Variants in MAGI1 observed in about 807,000 individuals in gnomAD.
MAGI1 encodes membrane associated guanylate kinase, WW and PDZ domain containing 1, also known as membrane-associated guanylate kinase, WW and PDZ domain-containing protein 1.
A neutral mutation model predicts 139.9 loss-of-function variants in MAGI1; 58 were observed. The ratio of observed to expected loss-of-function variants is 0.41; its 90% CI spans 0.34 to 0.52. MAGI1 has a LOEUF of 0.52. MAGI1 is among the 20% of genes least tolerant of loss of function. The probability of loss-of-function intolerance (pLI) is 0.12; values close to 1 mark genes in which losing one functional copy is unlikely to be tolerated. For synonymous variants in MAGI1, 812 were observed against 737.9 expected, an observed-to-expected ratio of 1.10 and a Z score of -1.63; for missense variants, 1,874 against 1,901.6, an observed-to-expected ratio of 0.99 and a Z score of 0.27.
Position 65,803,137 on chromosome 3 carries a change from CAGCTAAATG to C in MAGI1, c.314-181058_314-181050del, listed in dbSNP as rs574254187. ...AAGTATTTCACTTTGAATAAGATAA[CAGCTAAATG>C]AGCTGATTTTTTTTAACTAGAGTTA... is the stretch of plus-strand genomic sequence containing the variant. On this transcript the variant is annotated intron_variant, in intron 1 of 22. Coordinates refer to ENST00000402939, the MANE Select transcript of MAGI1 (RefSeq NM_001033057.2). Among the ~76,000 whole-genome samples the C allele has an allele frequency of 9.1e-3, 1,381 of 152,152 alleles. 22 individuals are homozygous for C. The highest frequency in any genetic ancestry group is 0.032 in the African/African-American group (1,313 of 41,506).
chr3:65,453,907 T>C (rs1385935927), intron 5 of MAGI1, among the ~76,000 whole-genome samples: 1 of 152,134 alleles, frequency 6.6e-6, no homozygotes, highest in African/African-American at 2.4e-5. Flanking sequence ...AAATTACTCG[T>C]CATAAATAGA....
At chr3:65,951,458 G>A (rs75779255) in intron 1 of MAGI1, among the ~76,000 whole-genome samples, 2,223 of 152,180 alleles carry the variant, frequency 0.015, 32 homozygotes, top group East Asian at 0.042. Flanking sequence ...CTGTTGCATC[G>A]AAATGGAGAT....
chr3:65,535,152 T>G (rs926534011), intron 2 of MAGI1, among the ~76,000 whole-genome samples: 1 of 151,980 alleles, frequency 6.6e-6, no homozygotes, highest in Non-Finnish European at 1.5e-5. Flanking sequence ...TTACCATGAA[T>G]TTGAAAAAGA....
intron 1 of MAGI1, among the ~76,000 whole-genome samples, chr3:65,850,119 T>C (rs1456993035): frequency 6.6e-6 from 1 of 152,172 alleles, no homozygotes; most frequent in Non-Finnish European, 1.5e-5. Context: ...CCAAACTTGT[T>C]TGAATACCCT....
intron 2 of MAGI1, among the ~76,000 whole-genome samples, chr3:65,572,373 C>T (rs970355855): frequency 1.9e-4 from 29 of 152,090 alleles, no homozygotes; most frequent in African/African-American, 7.0e-4. Context: ...TAGGAACAAG[C>T]AAATGGTGTT....
At chr3:65,556,358 G>T (rs1559667610) in intron 2 of MAGI1, among the ~76,000 whole-genome samples, 1 of 151,982 alleles carries the variant, frequency 6.6e-6, no homozygotes, top group African/African-American at 2.4e-5. Flanking sequence ...ATTTTTCTTG[G>T]AAACACCTCC....
intron 1 of MAGI1, among the ~76,000 whole-genome samples, chr3:65,721,696 T>C (rs767796638): frequency 8.5e-5 from 13 of 152,276 alleles, no homozygotes; most frequent in Non-Finnish European, 1.5e-4. Context: ...AACATATTAA[T>C]GTACTCGAAA....
chr3:65,812,860 C>A (rs1427423312), intron 1 of MAGI1, among the ~76,000 whole-genome samples: 1 of 151,390 alleles, frequency 6.6e-6, no homozygotes, highest in East Asian at 1.9e-4. Flanking sequence ...CAGGCATGCA[C>A]CACCACACCC....
rs142191991 is a variant in MAGI1 at position 65,370,865 on chromosome 3, C to A, written c.3196+4880G>T. Among the ~76,000 whole-genome samples, 447 of 152,350 alleles carry A rather than the reference C, an allele frequency of 2.9e-3. 3 individuals carry two copies. The highest frequency in any genetic ancestry group is 0.01 in the African/African-American group (428 of 41,578). Reference sequence around the variant, plus strand: ...AGAGACGACGTCTCGCTATGTTGCCCAGGCTGGCCTGGAACTCCTGAGCTC... The same window carrying A: ...AGAGACGACGTCTCGCTATGTTGCCAAGGCTGGCCTGGAACTCCTGAGCTC... On this transcript the variant is annotated intron_variant, in intron 18 of 22. Coordinates refer to ENST00000402939, the MANE Select transcript of MAGI1 (RefSeq NM_001033057.2).
intron 1 of MAGI1, chr3:65,925,304 G>GA (rs1553730958): frequency 6.6e-6 from 1 of 151,176 alleles, no homozygotes; most frequent in Non-Finnish European, 1.5e-5. Flanking sequence ...TGCAGGTAGT[G>GA]TTTTTTTTTG....
chr3:65,758,822 C>G (rs1274187815), intron 1 of MAGI1, among the ~76,000 whole-genome samples: 1 of 151,970 alleles, frequency 6.6e-6, no homozygotes, highest in African/African-American at 2.4e-5. Flanking sequence ...TTCTCAAAAA[C>G]GTAAACTTTC....
intron 1 of MAGI1, among the ~76,000 whole-genome samples, chr3:66,030,876 A>G (rs1451582986): frequency 6.6e-6 from 1 of 152,212 alleles, no homozygotes; most frequent in African/African-American, 2.4e-5. Flanking sequence ...CATAAAAGAC[A>G]CTGCTCAAAT....
At chr3:65,640,254 G>C (rs1479238217) in intron 1 of MAGI1, among the ~76,000 whole-genome samples, 1 of 151,960 alleles carries the variant, frequency 6.6e-6, no homozygotes, top group African/African-American at 2.4e-5. Flanking sequence ...GTTTCTCTAG[G>C]GAACACTGAC....
chr3:65,662,445 A>C (rs1474294154), intron 1 of MAGI1, among the ~76,000 whole-genome samples: 1 of 152,268 alleles, frequency 6.6e-6, no homozygotes, highest in Non-Finnish European at 1.5e-5. Context: ...AGCTATGGAC[A>C]ATATGCAACC....
chr3:65,530,624 G>GGTGTGTGTGTGT (rs57337916), intron 2 of MAGI1, among the ~76,000 whole-genome samples: 1 of 129,274 alleles, frequency 7.7e-6, no homozygotes, highest in African/African-American at 3.2e-5. Context: ...ATGTGTGTGT[G>GGTGTGTGTGTGT]GTGTGTGTGT....
intron 3 of MAGI1, among the ~76,000 whole-genome samples, chr3:65,489,430 C>T (rs1390620486): frequency 6.6e-6 from 1 of 152,076 alleles, no homozygotes; most frequent in African/African-American, 2.4e-5. Flanking sequence ...GAAACTTACC[C>T]TATAGTTATG....
intron 1 of MAGI1, among the ~76,000 whole-genome samples, chr3:65,845,718 G>GTTCACTC (rs1559936879): frequency 1.3e-5 from 2 of 152,156 alleles, no homozygotes; most frequent in African/African-American, 4.8e-5. Context: ...CTCCCATGTG[G>GTTCACTC]CAGCTCTTAG....
At chr3:65,869,678 G>A (rs967051225) in intron 1 of MAGI1, among the ~76,000 whole-genome samples, 4 of 152,048 alleles carry the variant, frequency 2.6e-5, no homozygotes, top group Non-Finnish European at 5.9e-5. Context: ...GGAATTACAG[G>A]AGTGAGCCAC....
intron 2 of MAGI1, among the ~76,000 whole-genome samples, chr3:65,545,768 A>C (rs1302216979): frequency 3.3e-5 from 5 of 152,078 alleles, no homozygotes; most frequent in African/African-American, 1.2e-4. Flanking sequence ...CATCTAGTAG[A>C]CACCCTTCCC....
Sources: gnomAD v4.1 joint callset for allele counts (sites outside exome capture counted in the v4.1 genomes callset) on GRCh38, gnomAD v4.1.1 for gene constraint, MANE v1.5 for transcripts, NCBI Gene and HGNC (gene_info 2026-07-23, HGNC 2026-07-21) for gene names.